The following HUNK variants were observed in gnomAD, a reference collection of about 807,000 sequenced individuals.
HUNK encodes hormonally up-regulated Neu-associated kinase, also known as hormonally up-regulated neu tumor-associated kinase.
A neutral mutation model predicts 61.0 loss-of-function variants in HUNK; 21 were observed. That is an observed-to-expected ratio of 0.34 (90% CI 0.24 to 0.50). HUNK has a LOEUF of 0.50. Ranked by LOEUF, HUNK falls within the 20% of genes least tolerant of loss-of-function variation. The pLI, the probability that HUNK is intolerant of heterozygous loss-of-function variation, is 0.98. For missense variants in HUNK, 772 were observed against 945.7 expected (o/e 0.82, Z 2.41); for synonymous variants, 371 against 386.1 (o/e 0.96, Z 0.46).
chr21:31,966,532 G>A (rs1472335644), intron 5 of HUNK, among the ~76,000 whole-genome samples: 3 of 152,192 alleles, frequency 2.0e-5, no homozygotes, highest in Non-Finnish European at 4.4e-5. Flanking sequence ...GTTGACCATG[G>A]AGGTTGACCT....
intron 1 of HUNK, among the ~76,000 whole-genome samples, chr21:31,891,183 C>T (rs1223561974): frequency 6.6e-6 from 1 of 152,146 alleles, no homozygotes; most frequent in Non-Finnish European, 1.5e-5. Flanking sequence ...TTGAGACCAG[C>T]CTGGCCAATG....
chr21:31,887,933 A>G (rs1316455100), intron 1 of HUNK, among the ~76,000 whole-genome samples: 1 of 152,118 alleles, frequency 6.6e-6, no homozygotes, highest in African/African-American at 2.4e-5. Context: ...TTTTGCTTTG[A>G]TCATGAGGAG....
At chr21:31,878,987 A>G (rs1203650437) in intron 1 of HUNK, among the ~76,000 whole-genome samples, 2 of 152,182 alleles carry the variant, frequency 1.3e-5, no homozygotes, top group Non-Finnish European at 2.9e-5. Flanking sequence ...CTTCCATCAG[A>G]ACTATTTTTA....
At chr21:31,945,933 A>C in intron 3 of HUNK, 103 bp from the exon 4 acceptor site, 1 of 1,124,304 alleles carries the variant, frequency 8.9e-7, no homozygotes, top group African/African-American at 1.6e-5. Flanking sequence ...GCCTGAGAGA[A>C]TGTTTCCTTT....
intron 1 of HUNK, among the ~76,000 whole-genome samples, chr21:31,897,165 G>T (rs1228526000): frequency 1.3e-5 from 2 of 152,162 alleles, no homozygotes; most frequent in Non-Finnish European, 2.9e-5. Flanking sequence ...AGGATCGCTT[G>T]AGCCTAGGAG....
At chr21:31,909,456 C>T (rs1415027778) in intron 1 of HUNK, among the ~76,000 whole-genome samples, 1 of 152,178 alleles carries the variant, frequency 6.6e-6, no homozygotes, top group East Asian at 1.9e-4. Context: ...TTGTTTTTTC[C>T]TTAGTCTTGC....
chr21:31,946,796 G>C (rs899908980), intron 4 of HUNK, among the ~76,000 whole-genome samples: 3 of 152,126 alleles, frequency 2.0e-5, no homozygotes, highest in Non-Finnish European at 4.4e-5. Flanking sequence ...TGTATTTTTA[G>C]TGGAGACGAA....
intron 1 of HUNK, among the ~76,000 whole-genome samples, chr21:31,897,098 C>G (rs150746388): frequency 2.5e-4 from 38 of 152,214 alleles, no homozygotes; most frequent in African/African-American, 8.9e-4. Context: ...ACAAAAATTA[C>G]CCAGAAGTGG....
chr21:31,979,653 C>A (rs1018726559), intron 7 of HUNK, among the ~76,000 whole-genome samples: 1 of 149,574 alleles, frequency 6.7e-6, no homozygotes, highest in Non-Finnish European at 1.5e-5. Flanking sequence ...GTAGCTGGGA[C>A]TACAGGCACC....
In HUNK at chr21:31,958,948, C is replaced by T. The variant is rs201003721; in HGVS notation, c.852C>T (p.Pro284=). 31 of 1,608,258 alleles carry T rather than the reference C, an allele frequency of 1.9e-5. No homozygotes were observed. The highest frequency in any genetic ancestry group is 4.5e-5 in the East Asian group (2 of 44,810). The change falls in exon 5 of 11, where the codon CCC becomes CCT. Residue 284 remains proline, a synonymous_variant. Coordinates refer to ENST00000270112, the MANE Select transcript of HUNK (RefSeq NM_014586.2). The part of the protein sequence containing the change: ...YQKMVDKEMN[P]LPTQLSTGAI... ...AGATGGTAGACAAAGAAATGAACCC[C>T]CTCCCCACTCAGCTCTCCACAGGTA...
At chr21:31,892,244 C>T (rs1601362465) in intron 1 of HUNK, among the ~76,000 whole-genome samples, 1 of 121,064 alleles carries the variant, frequency 8.3e-6, no homozygotes, top group South Asian at 3.0e-4. Context: ...AGCACGTAGC[C>T]TGAAAATACA....
intron 1 of HUNK, among the ~76,000 whole-genome samples, chr21:31,921,256 T>A (rs2052620791): frequency 1.3e-5 from 2 of 151,376 alleles, no homozygotes; most frequent in South Asian, 4.2e-4. Flanking sequence ...GTGATTCCAT[T>A]GGTTAGTCAC....
chr21:31,979,515 CTTTTTTTTT>C (rs71193166), intron 7 of HUNK, among the ~76,000 whole-genome samples: 1 of 34,298 alleles, frequency 2.9e-5, no homozygotes, highest in Non-Finnish European at 5.7e-5. Flanking sequence ...TGTTTGCATT[CTTTTTTTTT>C]TTTTTTTTTT....
intron 1 of HUNK, among the ~76,000 whole-genome samples, chr21:31,914,936 CAA>C (rs1480331658): frequency 6.6e-6 from 1 of 152,080 alleles, no homozygotes; most frequent in Non-Finnish European, 1.5e-5. Context: ...TGAACCATGA[CAA>C]AGAATCTGAA....
Position 31,998,182 on chromosome 21 carries a change from G to T in HUNK, c.1487-344G>T, listed in dbSNP as rs536699638. On this transcript the variant is annotated intron_variant, in intron 10 of 10. Coordinates refer to ENST00000270112, the MANE Select transcript of HUNK (RefSeq NM_014586.2). ...AGTCCTCCCACCTTGGCCTCCCAAA[G>T]TGCTGGGATCACAGGCGTGAGCCAC... 7.2e-4 allele frequency among the ~76,000 whole-genome samples: 109 copies of T among 152,324 alleles called. 1 individual carries two copies. In the East Asian group the frequency reaches 0.017, roughly 24 times the overall value.
chr21:31,893,272 G>A (rs549893371), intron 1 of HUNK, among the ~76,000 whole-genome samples: 13 of 152,256 alleles, frequency 8.5e-5, no homozygotes, highest in African/African-American at 3.1e-4. Flanking sequence ...AGGAATGTAC[G>A]GTGGTGAATA....
intron 1 of HUNK, among the ~76,000 whole-genome samples, chr21:31,921,585 C>T (rs1440475487): frequency 6.6e-6 from 1 of 152,006 alleles, no homozygotes; most frequent in South Asian, 2.1e-4. Flanking sequence ...TGCTTGGGTG[C>T]TCCCATAGGC....
rs2123782036 is a variant in HUNK at position 31,873,541 on chromosome 21, C to A, written c.-134C>A. 1 of 679,674 alleles carries A rather than the reference C, an allele frequency of 1.5e-6. No homozygotes were observed. Among genetic ancestry groups the A allele is most frequent in the Non-Finnish European group, 1.8e-6 (1 of 550,344 alleles). The allele number at this position is 679,674 out of a possible 1,614,324, so 42.1% of individuals were successfully genotyped here. ...GGGGCGTGATCGCGGCGGCCCCGGG[C>A]TCTGGGTGCGGAGACCCAGGCGGGG... On this transcript the variant is annotated 5_prime_UTR_variant, in exon 1 of 11. Coordinates refer to ENST00000270112, the MANE Select transcript of HUNK (RefSeq NM_014586.2). The surrounding 1 kb of genome is among the most constrained non-coding windows in gnomAD (Gnocchi z 6.1).
At chr21:31,874,799 G>C (rs1361786933) in intron 1 of HUNK, among the ~76,000 whole-genome samples, 1 of 152,166 alleles carries the variant, frequency 6.6e-6, no homozygotes, top group South Asian at 2.1e-4. Flanking sequence ...ACCTCCGCGA[G>C]ACCAAAAGGG....
Sources: gnomAD v4.1 joint callset for allele counts (sites outside exome capture counted in the v4.1 genomes callset) on GRCh38, gnomAD v4.1.1 for gene constraint, Gnocchi (gnomAD v3.1) non-coding constraint, MANE v1.5 for transcripts, NCBI Gene and HGNC (gene_info 2026-07-23, HGNC 2026-07-21) for gene names.